The following CCDC40 variants were observed in gnomAD, a reference collection of about 807,000 sequenced individuals.
CCDC40 encodes coiled-coil domain-containing protein 40.
CCDC40 carries 104 observed loss-of-function variants against 124.5 expected under a neutral mutation model. That is an observed-to-expected ratio of 0.84 (90% CI 0.71 to 0.98). The LOEUF (loss-of-function observed/expected upper bound fraction) is 0.98, where lower values mean the gene tolerates loss of function less well. Ranked by LOEUF, CCDC40 falls within the 50% of genes least tolerant of loss-of-function variation. The pLI, the probability that CCDC40 is intolerant of heterozygous loss-of-function variation, is 0.00. For missense variants in CCDC40, 1,463 were observed against 1,503.9 expected (o/e 0.97, Z 0.45); for synonymous variants, 580 against 602.9 (o/e 0.96, Z 0.56).
intron 10 of CCDC40, among the ~76,000 whole-genome samples, chr17:80,077,527 A>G (rs1180255688): frequency 6.6e-6 from 1 of 152,212 alleles, no homozygotes; most frequent in Non-Finnish European, 1.5e-5. Flanking sequence ...CGTCTCAAAA[A>G]TAAACAATAA....
rs745760033 is a variant in CCDC40, at chr17:80,099,762, CA to C, written c.3417del (p.Ser1142ProfsTer23). 6 of 1,612,962 alleles carry C rather than the reference CA, an allele frequency of 3.7e-6. No homozygotes were observed. In the South Asian group the frequency reaches 5.5e-5, roughly 15 times the overall value. Reference protein sequence around the residue: ...SQMIANKLESPGPS With the variant: ...SQMIANKLESXGPS The stretch of plus-strand genomic sequence containing the variant: ...ATGATCGCCAACAAGCTCGAGTCAC[CA>C]GGGCCCTCCTAGGGAGCAGCCTGGA... On this transcript the variant is annotated frameshift_variant, in exon 20 of 20. Coordinates refer to ENST00000397545, the MANE Select transcript of CCDC40 (RefSeq NM_017950.4). LOFTEE classifies it high-confidence loss of function.
chr17:80,081,699 C>A lies in CCDC40; in HGVS notation c.1716C>A (p.Cys572Ter). The change falls in exon 11 of 20, where the codon TGC (cysteine) becomes TGA (stop). Residue 572 changes from cysteine (C) to a stop codon, truncating the protein, a stop_gained. Transcript: ENST00000397545. LOFTEE classifies it high-confidence loss of function. ...TGCTGCAGAAGCTCACCACCCAGTG[C>A]CTGACCAAGCAGGTGGCCCTGCAGA... ...ATLLQKLTTQ[C>*]LTKQVALQSQ... 6.2e-7 allele frequency: 1 copy of A among 1,614,178 alleles called. No individual in the cohort carries two copies. Among genetic ancestry groups the A allele is most frequent in the East Asian group, 2.2e-5 (1 of 44,878 alleles).
chr17:80,080,994 C>T (rs903952643), intron 10 of CCDC40, among the ~76,000 whole-genome samples: 1 of 152,192 alleles, frequency 6.6e-6, no homozygotes, highest in African/African-American at 2.4e-5. Context: ...TTGATCATGA[C>T]ATGCTGTATG....
At chr17:80,048,530 A>C (rs746405473) in intron 4 of CCDC40, 53 bp from the exon 5 acceptor site, 3 of 1,448,030 alleles carry the variant, frequency 2.1e-6, no homozygotes. Context: ...GAATAGAATC[A>C]CTGAGGCTTC....
chr17:80,054,428 C>G (rs2037686119), intron 7 of CCDC40, among the ~76,000 whole-genome samples: 1 of 152,150 alleles, frequency 6.6e-6, no homozygotes, highest in East Asian at 1.9e-4. Flanking sequence ...ACAAACACTT[C>G]CTGTGTTATC....
Position 80,065,567 on chromosome 17 carries a change from A to G in CCDC40, c.1523A>G (p.His508Arg). 2 of 1,612,946 alleles carry G rather than the reference A, an allele frequency of 1.2e-6. No homozygotes were observed. Among genetic ancestry groups the G allele is most frequent in the Non-Finnish European group, 1.7e-6 (2 of 1,179,932 alleles). ...GCCAGCAGCCTGGTGGGCATGAAGCACCGCGACGAGGCGCACAGGGCGGTG... is the reference window on the plus strand; with the variant it reads ...GCCAGCAGCCTGGTGGGCATGAAGCGCCGCGACGAGGCGCACAGGGCGGTG... ...QWASSLVGMK[H>R]RDEAHRAVLE... is the part of the protein sequence containing the mutation. Residue 508 changes from histidine (H) to arginine (R), a missense_variant, in exon 10 of 20, where the codon CAC (histidine) becomes CGC (arginine). Transcript: ENST00000397545.
chr17:80,040,369 G>A (rs1219499577), intron 3 of CCDC40, 99 bp downstream of exon 3: 1 of 1,170,352 alleles, frequency 8.5e-7, no homozygotes, highest in Non-Finnish European at 1.2e-6. Flanking sequence ...AATACAAATT[G>A]CAATCCCTGT....
At chr17:80,054,181 C>A (rs951485305) in intron 7 of CCDC40, among the ~76,000 whole-genome samples, 2 of 151,728 alleles carry the variant, frequency 1.3e-5, no homozygotes, top group Non-Finnish European at 2.9e-5. Context: ...ACCAATAAAC[C>A]TTACACACTG....
In CCDC40 at chr17:80,086,235, G is replaced by C. The variant is rs537011469; in HGVS notation, c.2449+19G>C. ...GTAGAAAGTAAGAGCCGCCGTGCCC[G>C]GCCCTGCAGTGATGCTGAGACGAGC... On this transcript the variant is annotated intron_variant, in intron 14 of 19. Transcript: ENST00000397545. This position sits in a 1 kb window ranked among gnomAD's most constrained non-coding sequence, Gnocchi z 5.5. The C allele has an allele frequency of 1.3e-6, 2 of 1,566,158 alleles. No individual in the cohort carries two copies. The highest frequency in any genetic ancestry group is 2.7e-5 in the African/African-American group (2 of 73,638).
intron 7 of CCDC40, among the ~76,000 whole-genome samples, chr17:80,054,135 ATTGAC>A (rs759160633): frequency 2.1e-5 from 3 of 140,010 alleles, no homozygotes; most frequent in Non-Finnish European, 5.0e-5. Context: ...TAAAAAATGA[ATTGAC>A]TTGATAAATA....
rs59469326 is a variant in CCDC40, at chr17:80,096,701, C to T, written c.3022-544C>T. On this transcript the variant is annotated intron_variant, in intron 18 of 19. Coordinates refer to ENST00000397545, the MANE Select transcript of CCDC40 (RefSeq NM_017950.4). ...TGCCAGCCCCACCCCAAAGATCTTC[C>T]GTGTCCCCAGCCAGCCCTGAGAGTC... is the stretch of plus-strand genomic sequence containing the variant. Among the ~76,000 whole-genome samples, 655 of 152,338 alleles carry T rather than the reference C, an allele frequency of 4.3e-3. 7 individuals carry two copies. The highest frequency in any genetic ancestry group is 0.015 in the African/African-American group (632 of 41,578).
rs1185216462 is a variant in CCDC40 at position 80,084,892 on chromosome 17, G to A, written c.2139G>A (p.Gln713=). The change falls in exon 13 of 20, where the codon CAG becomes CAA. Residue 713 remains glutamine, a synonymous_variant. Transcript: ENST00000397545. ...KKVNELITNS[Q]SEISRRTILI... The stretch of plus-strand genomic sequence containing the variant: ...TCAACGAGCTCATCACCAACAGCCA[G>A]AGCGAGATCTCCCGGCGCACGATCC... 1.9e-6 allele frequency: 3 copies of A among 1,614,002 alleles called. No individual in the cohort carries two copies. Among genetic ancestry groups the A allele is most frequent in the Non-Finnish European group, 2.5e-6 (3 of 1,180,034 alleles).
At chr17:80,094,435 C>T (rs1205068650) in intron 17 of CCDC40, among the ~76,000 whole-genome samples, 2 of 151,760 alleles carry the variant, frequency 1.3e-5, no homozygotes, top group African/African-American at 4.8e-5. Flanking sequence ...TATAAAAAGG[C>T]TGGGTGCAGT....
At position 80,065,556 on chromosome 17, in the gene CCDC40, G is replaced by A. The variant is rs1312465619; in HGVS notation, c.1512G>A (p.Val504=). 38 of 1,612,956 alleles carry A rather than the reference G, an allele frequency of 2.4e-5. No homozygotes were observed. Among genetic ancestry groups the A allele is most frequent in the Non-Finnish European group, 3.1e-5 (37 of 1,179,962 alleles). ...TGCAGCAATGGGCCAGCAGCCTGGT[G>A]GGCATGAAGCACCGCGACGAGGCGC... The part of the protein sequence containing the change: ...RIMQQWASSL[V]GMKHRDEAHR... The change falls in exon 10 of 20, where the codon GTG becomes GTA. Residue 504 remains valine, a synonymous_variant. Transcript: ENST00000397545.
At chr17:80,052,980 A>G (rs1398300760) in intron 7 of CCDC40, among the ~76,000 whole-genome samples, 1 of 152,212 alleles carries the variant, frequency 6.6e-6, no homozygotes, top group Non-Finnish European at 1.5e-5. Context: ...TTTCTTAACT[A>G]AAAAGCCAGT....
At chr17:80,071,971 G>T (rs1414666337) in intron 10 of CCDC40, among the ~76,000 whole-genome samples, 1 of 151,654 alleles carries the variant, frequency 6.6e-6, no homozygotes, top group Non-Finnish European at 1.5e-5. Context: ...CAGGTAGCTG[G>T]GATTACAGAC....
intron 3 of CCDC40, 132 bp from the exon 4 acceptor site, chr17:80,047,147 G>A: frequency 9.5e-7 from 1 of 1,048,650 alleles, no homozygotes; most frequent in East Asian, 2.6e-5. Context: ...TGCCCGGCCA[G>A]GTTTTTTAAA....
At chr17:80,051,327 C>T (rs2037581889) in intron 7 of CCDC40, 18 of 980,120 alleles carry the variant, frequency 1.8e-5, no homozygotes, top group Non-Finnish European at 1.9e-5. Flanking sequence ...GGTAAGTGGG[C>T]ACTTATCAAG....
At position 80,066,384 on chromosome 17, in the gene CCDC40, TAAAGAAACAA is replaced by T. The variant is rs2038047692; in HGVS notation, c.1562+781_1562+790del. The T allele has an allele frequency of 1.8e-6, 1 of 556,980 alleles. No homozygotes were observed. The allele number at this position is 556,980 out of a possible 1,614,324, so 34.5% of individuals were successfully genotyped here. Reference sequence around the variant, plus strand: ...TGCTTTTCCTTTTGGGTGCTGTGATTAAAGAAACAAAATGAAACCATTTTGTTTTTAAAAG... The same window carrying T: ...TGCTTTTCCTTTTGGGTGCTGTGATTAATGAAACCATTTTGTTTTTAAAAG... On this transcript the variant is annotated intron_variant, in intron 10 of 19. Coordinates refer to ENST00000397545, the MANE Select transcript of CCDC40 (RefSeq NM_017950.4). The surrounding 1 kb of genome is among the most constrained non-coding windows in gnomAD (Gnocchi z 4.4).
Sources: gnomAD v4.1 joint callset for allele counts (sites outside exome capture counted in the v4.1 genomes callset) on GRCh38, gnomAD v4.1.1 for gene constraint, Gnocchi (gnomAD v3.1) non-coding constraint, MANE v1.5 for transcripts, NCBI Gene and HGNC (gene_info 2026-07-23, HGNC 2026-07-21) for gene names.